The following CECR2 variants were observed in gnomAD, a reference collection of about 807,000 sequenced individuals.
CECR2 encodes chromatin remodeling regulator CECR2.
A neutral mutation model predicts 154.5 loss-of-function variants in CECR2; 30 were observed. The ratio of observed to expected loss-of-function variants is 0.19; its 90% CI spans 0.15 to 0.26. The LOEUF is 0.26. Among genes scored for constraint, CECR2 ranks in the 10% least tolerant of loss-of-function variants. The pLI is 1.00. For missense variants in CECR2, 1,743 were observed against 1,829.3 expected, an observed-to-expected ratio of 0.95 and a Z score of 0.86; for synonymous variants, 725 against 683.7, an observed-to-expected ratio of 1.06 and a Z score of -0.94.
chr22:17,512,129 A>G (rs1185646707), intron 8 of CECR2, among the ~76,000 whole-genome samples: 1 of 152,166 alleles, frequency 6.6e-6, no homozygotes, highest in East Asian at 1.9e-4. Context: ...GTCCACATTT[A>G]ATAAGAATAC....
At chr22:17,534,233 G>T (rs949816520) in intron 9 of CECR2, among the ~76,000 whole-genome samples, 6 of 152,180 alleles carry the variant, frequency 3.9e-5, no homozygotes, top group African/African-American at 1.4e-4. Context: ...GTCTGATGTG[G>T]GAGGATCCGT....
At position 17,480,459 on chromosome 22, in the gene CECR2, C is replaced by CACAGAG. The variant is rs373106595; in HGVS notation, c.221+2778_221+2779insCAGAGA. ...ACACACACACACACACACACACACA[C>CACAGAG]AGAGAAAAGTGCTCATTTCCTAATT... On this transcript the variant is annotated intron_variant, in intron 2 of 18. Transcript: ENST00000262608. Among the ~76,000 whole-genome samples, 864 of 143,748 alleles carry CACAGAG rather than the reference C, an allele frequency of 6.0e-3. 2 individuals are homozygous for CACAGAG. The highest frequency in any genetic ancestry group is 9.3e-3 in the Non-Finnish European group (612 of 65,510). The allele number at this position is 143,748 out of a possible 152,430, so 94.3% of individuals were successfully genotyped here.
intron 1 of CECR2, among the ~76,000 whole-genome samples, chr22:17,453,464 C>T (rs1295702256): frequency 6.6e-6 from 1 of 152,022 alleles, no homozygotes; most frequent in Non-Finnish European, 1.5e-5. Flanking sequence ...AAAAGTATGA[C>T]TGTATTTAGA....
At chr22:17,456,010 T>G (rs1601388863) in intron 1 of CECR2, among the ~76,000 whole-genome samples, 1 of 152,218 alleles carries the variant, frequency 6.6e-6, no homozygotes, top group South Asian at 2.1e-4. Flanking sequence ...TCCAAAATCA[T>G]GTGGGTTGTG....
intron 1 of CECR2, among the ~76,000 whole-genome samples, chr22:17,385,359 G>GA (rs2063246161): frequency 6.6e-6 from 1 of 152,172 alleles, no homozygotes; most frequent in South Asian, 2.1e-4. Flanking sequence ...TTTAAAGTGA[G>GA]AGACATGGTG....
intron 1 of CECR2, among the ~76,000 whole-genome samples, chr22:17,362,943 G>C (rs1284775553): frequency 6.8e-6 from 1 of 147,462 alleles, no homozygotes; most frequent in Admixed American, 6.8e-5. Context: ...AAGAATTGTT[G>C]TTTCTTCCTT....
In CECR2 at chr22:17,410,342, G is replaced by A. The variant is rs532235557; in HGVS notation, c.126+40433G>A. ...CTGACAGTAGATTTGTTTATATAGC[G>A]TAAGCCTTGTCAGGATTTTTCTAAT... is the stretch of plus-strand genomic sequence containing the variant. On this transcript the variant is annotated intron_variant, in intron 1 of 18. Transcript: ENST00000262608. 5.9e-5 allele frequency among the ~76,000 whole-genome samples: 9 copies of A among 152,184 alleles called. 1 individual carries two copies. Among genetic ancestry groups the A allele is most frequent in the Middle Eastern group, 6.8e-3 (2 of 294 alleles).
intron 1 of CECR2, 87 bp from the exon 2 acceptor site, chr22:17,477,501 C>G: frequency 1.1e-6 from 1 of 888,582 alleles, no homozygotes; most frequent in Non-Finnish European, 1.8e-6. Context: ...CCATTCAGTT[C>G]TTGGGGCTTG....
chr22:17,551,930 C>A, intron 17 of CECR2, 101 bp from the exon 18 acceptor site: 1 of 1,089,690 alleles, frequency 9.2e-7, no homozygotes, highest in Non-Finnish European at 1.4e-6. Flanking sequence ...GCCTGATCAC[C>A]GGGGTGATGA....
intron 7 of CECR2, among the ~76,000 whole-genome samples, chr22:17,505,834 G>GC (rs2055833257): frequency 1.0e-5 from 1 of 96,896 alleles, no homozygotes; most frequent in Non-Finnish European, 2.1e-5. Context: ...ACTGCACCCG[G>GC]CTTTTTTTTT....
At chr22:17,455,834 C>T (rs2054845710) in intron 1 of CECR2, among the ~76,000 whole-genome samples, 1 of 152,180 alleles carries the variant, frequency 6.6e-6, no homozygotes, top group Non-Finnish European at 1.5e-5. Context: ...TGGTCTCGAA[C>T]TTCTGACCTC....
At chr22:17,499,696 A>G (rs1265975521) in intron 4 of CECR2, 147 bp downstream of exon 4, 9 of 791,152 alleles carry the variant, frequency 1.1e-5, no homozygotes, top group Non-Finnish European at 1.7e-5. Flanking sequence ...GAGATACTTC[A>G]TGCAAAAACA....
intron 1 of CECR2, among the ~76,000 whole-genome samples, chr22:17,455,395 T>A (rs1014016466): frequency 2.0e-5 from 3 of 152,238 alleles, no homozygotes; most frequent in Non-Finnish European, 4.4e-5. Context: ...CTACTTTACT[T>A]TTTAAACACA....
chr22:17,553,178 A>T lies in CECR2; in HGVS notation c.*338A>T, dbSNP rs1402775917. On this transcript the variant is annotated 3_prime_UTR_variant, in exon 19 of 19. Transcript: ENST00000262608. ...ACTTTAAACTTGGGGGAGGGGGTATACTCAAGAATGGAGTGGTGCTTTTAA... is the reference window on the plus strand; with the variant it reads ...ACTTTAAACTTGGGGGAGGGGGTATTCTCAAGAATGGAGTGGTGCTTTTAA... 7.9e-6 allele frequency: 2 copies of T among 253,080 alleles called. No individual in the cohort carries two copies. The highest frequency in any genetic ancestry group is 1.5e-5 in the Non-Finnish European group (2 of 135,854). 15.7% of individuals were successfully genotyped at this position (253,080 alleles called of 1,614,324 possible).
In CECR2 at chr22:17,540,620, G is replaced by A. The variant is rs2147023142; in HGVS notation, c.1704G>A (p.Gln568=). The A allele has an allele frequency of 6.2e-7, 1 of 1,613,870 alleles. No homozygotes were observed. Among genetic ancestry groups the A allele is most frequent in the African/African-American group, 1.3e-5 (1 of 75,064 alleles). ...RDPEGSSRKQ[Q]PMENGGKSLP... is the part of the protein sequence containing the mutation. ...CAGAAGGGTCCAGCAGGAAACAGCAGCCCATGGAGAATGGAGGAAAGTCGT... is the reference window on the plus strand; with the variant it reads ...CAGAAGGGTCCAGCAGGAAACAGCAACCCATGGAGAATGGAGGAAAGTCGT... Residue 568 remains glutamine (Q), a synonymous_variant, in exon 14 of 19, where the codon CAG becomes CAA. Transcript: ENST00000262608.
At chr22:17,389,364 T>C in intron 1 of CECR2, among the ~76,000 whole-genome samples, 1 of 152,200 alleles carries the variant, frequency 6.6e-6, no homozygotes, top group Non-Finnish European at 1.5e-5. Flanking sequence ...CCTGTCCGGC[T>C]AGCTAGCTAG....
intron 1 of CECR2, among the ~76,000 whole-genome samples, chr22:17,469,057 CTCT>C (rs767695436): frequency 6.0e-5 from 9 of 151,184 alleles, no homozygotes; most frequent in African/African-American, 2.2e-4. Context: ...ACCCAATCAC[CTCT>C]TGTTAGTGAT....
intron 7 of CECR2, among the ~76,000 whole-genome samples, chr22:17,509,406 C>T (rs1312540104): frequency 1.3e-5 from 2 of 150,214 alleles, no homozygotes. Flanking sequence ...TGATACCATT[C>T]CATTTCACCT....
chr22:17,522,127 C>A (rs2146958849), intron 8 of CECR2, among the ~76,000 whole-genome samples: 1 of 152,252 alleles, frequency 6.6e-6, no homozygotes, highest in Admixed American at 6.5e-5. Context: ...GTTTTGGTAC[C>A]AGTACCATGC....
Sources: allele counts gnomAD v4.1 joint callset (sites outside exome capture counted in the v4.1 genomes callset), GRCh38; gene constraint gnomAD v4.1.1; transcripts MANE v1.5; gene names NCBI Gene and HGNC (gene_info 2026-07-23, HGNC 2026-07-21).